DCC: variants seen among roughly 807,000 people sequenced by gnomAD.
DCC encodes netrin receptor DCC.
Under a neutral mutation model 172.5 loss-of-function variants are expected in DCC, and 58 were observed. The observed-to-expected ratio is 0.34, with a 90% confidence interval of 0.27 to 0.42. The LOEUF (loss-of-function observed/expected upper bound fraction) is 0.42. DCC is among the 10% of genes least tolerant of loss of function. The pLI, the probability that DCC is intolerant of heterozygous loss-of-function variation, is 1.00. For synonymous variants in DCC, 709 were observed against 644.5 expected, an observed-to-expected ratio of 1.10 and a Z score of -1.52; for missense variants, 1,740 against 1,791.0, an observed-to-expected ratio of 0.97 and a Z score of 0.51.
intron 15 of DCC, among the ~76,000 whole-genome samples, chr18:53,377,778 G>C (rs1907414413): frequency 6.6e-6 from 1 of 152,164 alleles, no homozygotes; most frequent in Non-Finnish European, 1.5e-5. Context: ...AGGAGTTGCT[G>C]TTATTATTGT....
chr18:52,522,359 C>T (rs779989405), intron 1 of DCC, among the ~76,000 whole-genome samples: 1 of 152,122 alleles, frequency 6.6e-6, no homozygotes, highest in Non-Finnish European at 1.5e-5. Flanking sequence ...AGAGATGCCT[C>T]CTCTTGTTCT....
intron 5 of DCC, among the ~76,000 whole-genome samples, chr18:52,968,081 A>T (rs1340702297): frequency 6.6e-6 from 1 of 152,186 alleles, no homozygotes; most frequent in Non-Finnish European, 1.5e-5. Flanking sequence ...GCATTTATTA[A>T]CCATCTATAC....
chr18:52,492,902 T>C (rs1040163519), intron 1 of DCC, among the ~76,000 whole-genome samples: 3 of 152,082 alleles, frequency 2.0e-5, no homozygotes, highest in African/African-American at 2.4e-5. Flanking sequence ...GCCAATCATA[T>C]GATAGCGGGC....
intron 2 of DCC, among the ~76,000 whole-genome samples, chr18:52,864,712 T>C (rs956759295): frequency 9.4e-5 from 14 of 149,638 alleles, no homozygotes; most frequent in African/African-American, 3.4e-4. Flanking sequence ...GGCCCCAGTG[T>C]GTGTTGTTCC....
chr18:52,834,035 C>T (rs2038661669), intron 2 of DCC, among the ~76,000 whole-genome samples: 2 of 152,140 alleles, frequency 1.3e-5, no homozygotes, highest in African/African-American at 2.4e-5. Context: ...GGTACATACA[C>T]AGCAGCTTCT....
chr18:53,494,806 A>G (rs2046000172), intron 26 of DCC, among the ~76,000 whole-genome samples: 25 of 152,168 alleles, frequency 1.6e-4, no homozygotes, highest in Admixed American at 1.6e-3. Flanking sequence ...TTTGCACTTA[A>G]GGTTAATATT....
chr18:52,835,547 C>A (rs73469513), intron 2 of DCC, among the ~76,000 whole-genome samples: 38 of 152,182 alleles, frequency 2.5e-4, no homozygotes, highest in African/African-American at 9.2e-4. Context: ...TTATATCATA[C>A]GATCCTATTT....
intron 1 of DCC, among the ~76,000 whole-genome samples, chr18:52,517,756 A>C (rs1460098731): frequency 6.6e-6 from 1 of 152,124 alleles, no homozygotes; most frequent in Non-Finnish European, 1.5e-5. Flanking sequence ...CCACTTTTCT[A>C]ATTCTGTTCC....
chr18:52,436,189 C>G (rs1265101284), intron 1 of DCC, among the ~76,000 whole-genome samples: 1 of 152,216 alleles, frequency 6.6e-6, no homozygotes, highest in Non-Finnish European at 1.5e-5. Flanking sequence ...CAAAGTTCAT[C>G]TGGACTAAGG....
chr18:52,644,349 C>T (rs543601029), intron 1 of DCC, among the ~76,000 whole-genome samples: 4 of 152,048 alleles, frequency 2.6e-5, no homozygotes, highest in African/African-American at 7.2e-5. Context: ...GAGGCCAAGG[C>T]GGGTGGATCA....
intron 5 of DCC, among the ~76,000 whole-genome samples, chr18:52,959,804 T>A: frequency 6.6e-6 from 1 of 152,098 alleles, no homozygotes; most frequent in Non-Finnish European, 1.5e-5. Flanking sequence ...ACAAAATAAG[T>A]CAATATACTA....
At chr18:52,764,070 G>A (rs2037205174) in intron 2 of DCC, among the ~76,000 whole-genome samples, 1 of 152,198 alleles carries the variant, frequency 6.6e-6, no homozygotes, top group Admixed American at 6.5e-5. Context: ...ACCTAGTGGT[G>A]TAATGACTTA....
At chr18:52,890,514 TTA>T (rs1302847534) in intron 2 of DCC, among the ~76,000 whole-genome samples, 1 of 152,108 alleles carries the variant, frequency 6.6e-6, no homozygotes, top group Non-Finnish European at 1.5e-5. Context: ...TATTGATGTG[TTA>T]TGATATTCCC....
intron 24 of DCC, among the ~76,000 whole-genome samples, chr18:53,462,382 A>G (rs1322227510): frequency 6.6e-6 from 1 of 151,870 alleles, no homozygotes; most frequent in Non-Finnish European, 1.5e-5. Flanking sequence ...TAGGAGCATG[A>G]ACCCTATTGT....
intron 25 of DCC, among the ~76,000 whole-genome samples, chr18:53,469,161 G>A (rs2045664557): frequency 6.6e-6 from 1 of 151,980 alleles, no homozygotes; most frequent in Non-Finnish European, 1.5e-5. Context: ...TTATCTGCAA[G>A]CTTAACTTAG....
intron 12 of DCC, among the ~76,000 whole-genome samples, chr18:53,220,608 C>T (rs1402577561): frequency 2.6e-5 from 4 of 152,168 alleles, no homozygotes; most frequent in African/African-American, 9.6e-5. Flanking sequence ...TAAACTAGAA[C>T]CAGCATTTGC....
chr18:53,432,699 C>T (rs537490487), intron 21 of DCC, among the ~76,000 whole-genome samples: 1 of 151,926 alleles, frequency 6.6e-6, no homozygotes, highest in Non-Finnish European at 1.5e-5. Context: ...CATTTGACAA[C>T]TTTGTGATGC....
At chr18:52,824,573 A>G (rs1441219123) in intron 2 of DCC, among the ~76,000 whole-genome samples, 2 of 152,154 alleles carry the variant, frequency 1.3e-5, no homozygotes, top group African/African-American at 2.4e-5. Flanking sequence ...ATGCTTGTAC[A>G]TTGAGAGGGG....
chr18:53,123,473 A>G (rs2043512493), intron 7 of DCC, among the ~76,000 whole-genome samples: 1 of 152,084 alleles, frequency 6.6e-6, no homozygotes, highest in South Asian at 2.1e-4. Flanking sequence ...AGGCCCTGCA[A>G]GTCATTCTAA....
Sources: gnomAD v4.1 joint callset for allele counts (sites outside exome capture counted in the v4.1 genomes callset) on GRCh38, gnomAD v4.1.1 for gene constraint, MANE v1.5 for transcripts, NCBI Gene and HGNC (gene_info 2026-07-23, HGNC 2026-07-21) for gene names.